ACACB: variants seen among roughly 807,000 people sequenced by gnomAD.
The protein encoded by ACACB is acetyl-CoA carboxylase 2.
In ACACB, 209 loss-of-function variants were observed where a neutral mutation model predicts 278.8. The observed-to-expected ratio is 0.75, with a 90% CI of 0.67 to 0.84. The LOEUF (loss-of-function observed/expected upper bound fraction) is 0.84, where lower values mean the gene tolerates loss of function less well. Ranked by LOEUF, ACACB falls within the 40% of genes least tolerant of loss-of-function variation. ACACB has a pLI of 0.00. For synonymous variants in ACACB, 1,174 were observed against 1,285.6 expected (o/e 0.91, Z 1.86); for missense variants, 2,850 against 3,269.0 (o/e 0.87, Z 3.13).
chr12:109,168,543 C>T (rs1426825096), intron 4 of ACACB, among the ~76,000 whole-genome samples: 1 of 152,168 alleles, frequency 6.6e-6, no homozygotes, highest in Admixed American at 6.6e-5. Flanking sequence ...TCAGCCAGAG[C>T]GCTGGCTCAC....
intron 21 of ACACB, among the ~76,000 whole-genome samples, chr12:109,212,125 A>G (rs544998579): frequency 1.3e-5 from 2 of 151,888 alleles, no homozygotes; most frequent in Admixed American, 1.3e-4. Flanking sequence ...TGAATTCCTC[A>G]CCGTTGAGGG....
rs56223980 is a variant in ACACB, at chr12:109,265,622, G to A, written c.7250+97G>A. On this transcript the variant is annotated intron_variant, in intron 52 of 52. Transcript: ENST00000338432. ...GACTCCTATGCAGCCACTTGAACCC[G>A]CCACCCTGTGCAGTCTGGGGTTGTC... The A allele has an allele frequency of 5.2e-4, 750 of 1,443,518 alleles. 4 individuals are homozygous for A. In the African/African-American group the frequency reaches 9.3e-3, roughly 18 times the overall value. 89.4% of individuals were successfully genotyped at this position (1,443,518 alleles called of 1,614,324 possible).
At chr12:109,228,079 T>C (rs1169867401) in intron 28 of ACACB, among the ~76,000 whole-genome samples, 3 of 148,428 alleles carry the variant, frequency 2.0e-5, no homozygotes, top group Admixed American at 1.3e-4. Flanking sequence ...GGCTCACACC[T>C]GTAATCTCAG....
chr12:109,136,959 A>T (rs934501458), intron 1 of ACACB, among the ~76,000 whole-genome samples: 22 of 152,176 alleles, frequency 1.4e-4, no homozygotes, highest in Non-Finnish European at 2.9e-4. Flanking sequence ...CCCATTTAGT[A>T]TGATGTTAGC....
Position 109,242,447 on chromosome 12 carries a change from A to G in ACACB, c.5033A>G (p.His1678Arg). The G allele has an allele frequency of 6.2e-7, 1 of 1,612,662 alleles. No homozygotes were observed. Among genetic ancestry groups the G allele is most frequent in the Non-Finnish European group, 8.5e-7 (1 of 1,179,430 alleles). Reference protein sequence around the residue: ...TDSRSGNIMFHSFGNKQGPQH... With the variant: ...TDSRSGNIMFRSFGNKQGPQH... ...TCCTTTCTGGTCCAGATCATGTTTC[A>G]CTCCTTCGGCAACAAGCAAGGGCCC... The change falls in exon 37 of 53, where the codon CAC becomes CGC. Residue 1678 changes from histidine (H) to arginine (R), a missense_variant. Around this residue, in one of 3 missense-constraint regions of ACACB, gnomAD observed 2,265 missense variants for 2,561.3 expected, o/e 0.88. Transcript: ENST00000338432.
chr12:109,188,171 C>CTCTCTCCT lies in ACACB; in HGVS notation c.2144+11_2144+12insTCTCCTTC. 7.4e-7 allele frequency: 1 copy of CTCTCTCCT among 1,356,042 alleles called. No individual in the cohort carries two copies. The highest frequency in any genetic ancestry group is 1.4e-5 in the South Asian group (1 of 73,848). The allele number at this position is 1,356,042 out of a possible 1,614,324, so 84.0% of individuals were successfully genotyped here. On this transcript the variant is annotated intron_variant, in intron 13 of 52. Coordinates refer to ENST00000338432, the MANE Select transcript of ACACB (RefSeq NM_001093.4). Reference sequence around the variant, plus strand: ...CGGGAAGAGGCCATTTCGTCAGTATCTCCTTCCTTCCTTCCTTCCTTCCTT... The same window carrying CTCTCTCCT: ...CGGGAAGAGGCCATTTCGTCAGTATCTCTCTCCTTCCTTCCTTCCTTCCTTCCTTCCTT...
intron 3 of ACACB, chr12:109,167,347 G>A (rs34283): frequency 0.49 from 87,271 of 179,166 alleles, 23,602 homozygotes; most frequent in Middle Eastern, 0.69. Flanking sequence ...CTTTGGGAGG[G>A]TGAGGTGGGC....
chr12:109,235,391 A>C (rs1331641510), intron 32 of ACACB, 22 bp downstream of exon 32: 3 of 1,608,132 alleles, frequency 1.9e-6, no homozygotes, highest in Non-Finnish European at 2.6e-6. Flanking sequence ...GTTCATCTCT[A>C]TGAGTCTTTC....
At chr12:109,220,206 G>T (rs1034265541) in intron 24 of ACACB, among the ~76,000 whole-genome samples, 1 of 152,136 alleles carries the variant, frequency 6.6e-6, no homozygotes, top group East Asian at 1.9e-4. Context: ...TGGTGATAGA[G>T]GCTAAAAATG....
chr12:109,214,207 A>G (rs1434539941), intron 22 of ACACB, among the ~76,000 whole-genome samples: 1 of 152,084 alleles, frequency 6.6e-6, no homozygotes, highest in African/African-American at 2.4e-5. Flanking sequence ...GGTTATAGTG[A>G]GCTGTGATCG....
rs548929048 is a variant in ACACB at position 109,225,739 on chromosome 12, A to G, written c.3883-1632A>G. Among the ~76,000 whole-genome samples the G allele has an allele frequency of 2.6e-5, 4 of 152,348 alleles. No individual in the cohort carries two copies. In the East Asian group the frequency reaches 7.7e-4, roughly 29 times the overall value. On this transcript the variant is annotated intron_variant, in intron 27 of 52. Coordinates refer to ENST00000338432, the MANE Select transcript of ACACB (RefSeq NM_001093.4). ...TTGTCCACTATGGCAGCCACCAGCC[A>G]CGTGTGGTTAGTGAGCACTTGAACT...
chr12:109,216,577 G>A, intron 22 of ACACB, 41 bp from the exon 23 acceptor site: 1 of 1,581,120 alleles, frequency 6.3e-7, no homozygotes, highest in Non-Finnish European at 8.7e-7. Flanking sequence ...GGTACTCAAG[G>A]AAGGGTGTGA....
chr12:109,128,930 G>A (rs2042752720), intron 1 of ACACB, among the ~76,000 whole-genome samples: 1 of 151,830 alleles, frequency 6.6e-6, no homozygotes, highest in African/African-American at 2.4e-5. Flanking sequence ...GAGCCACTGT[G>A]TCTGGTCAAC....
At chr12:109,143,086 T>C (rs555202419) in intron 2 of ACACB, among the ~76,000 whole-genome samples, 49 of 152,254 alleles carry the variant, frequency 3.2e-4, no homozygotes, top group Admixed American at 2.9e-3. Flanking sequence ...GGCTATGATA[T>C]GGTGAACGAA....
intron 28 of ACACB, among the ~76,000 whole-genome samples, chr12:109,229,287 T>C (rs566813040): frequency 3.9e-5 from 6 of 152,242 alleles, no homozygotes; most frequent in African/African-American, 1.2e-4. Flanking sequence ...CGGCCAAAAA[T>C]GTGTTCTCAT....
chr12:109,265,249 G>A lies in ACACB; in HGVS notation c.7082G>A (p.Arg2361His), dbSNP rs1414559790. 7.4e-6 allele frequency: 12 copies of A among 1,613,134 alleles called. No individual in the cohort carries two copies. Among genetic ancestry groups the A allele is most frequent in the African/African-American group, 2.7e-5 (2 of 74,914 alleles). The change falls in exon 51 of 53, where the codon CGC becomes CAC. Residue 2361 changes from arginine (R) to histidine (H), a missense_variant. Physicochemically the swap from Arg to His is conservative, Grantham distance 29. Around this residue, in one of 3 missense-constraint regions of ACACB, gnomAD observed 579 missense variants for 684.6 expected, o/e 0.85. Transcript: ENST00000338432. ...SHVHIQSMLR[R>H]WFVETEGAVK... is the part of the protein sequence containing the mutation. ...GTGCATATCCAGTCCATGCTGCGTC[G>A]CTGGTTCGTGGAGACGGAGGGGGCT...
At chr12:109,127,739 G>A (rs1033802992) in intron 1 of ACACB, among the ~76,000 whole-genome samples, 30 of 152,192 alleles carry the variant, frequency 2.0e-4, no homozygotes, top group Non-Finnish European at 3.5e-4. Flanking sequence ...AAGGGAGCAT[G>A]GTGTGTCACC....
In ACACB at chr12:109,206,875, G is replaced by T; in HGVS notation, c.3060+19G>T. 1 of 1,614,098 alleles carries T rather than the reference G, an allele frequency of 6.2e-7. No individual in the cohort carries two copies. The highest frequency in any genetic ancestry group is 8.5e-7 in the Non-Finnish European group (1 of 1,179,986). On this transcript the variant is annotated intron_variant, in intron 20 of 52. Coordinates refer to ENST00000338432, the MANE Select transcript of ACACB (RefSeq NM_001093.4). ...CATAAAGGTAAAGTCACCTATGAGCGCAGGCGTGTAGACCAGTGCGGAGGG... is the reference window on the plus strand; with the variant it reads ...CATAAAGGTAAAGTCACCTATGAGCTCAGGCGTGTAGACCAGTGCGGAGGG...
intron 29 of ACACB, among the ~76,000 whole-genome samples, chr12:109,233,388 CTTA>C (rs1190896499): frequency 6.6e-6 from 1 of 152,160 alleles, no homozygotes; most frequent in East Asian, 1.9e-4. Flanking sequence ...AGGGATTACT[CTTA>C]TTACCTTTCT....
Sources: gnomAD v4.1 joint callset for allele counts (sites outside exome capture counted in the v4.1 genomes callset) on GRCh38, gnomAD v4.1.1 for gene constraint, gnomAD v4.1.1 regional missense constraint, MANE v1.5 for transcripts, NCBI Gene and HGNC (gene_info 2026-07-23, HGNC 2026-07-21) for gene names.